Variants in CHST11 observed in about 807,000 individuals in gnomAD.
The protein encoded by CHST11 is carbohydrate sulfotransferase 11, also known as C4S-1.
A neutral mutation model predicts 30.4 loss-of-function variants in CHST11; 9 were observed. The observed-to-expected ratio is 0.30, with a 90% CI of 0.18 to 0.52. CHST11 has a LOEUF of 0.52. Ranked by LOEUF, CHST11 falls within the 20% of genes least tolerant of loss-of-function variation. The pLI is 0.97. For synonymous variants in CHST11, 152 were observed against 187.8 expected (o/e 0.81, Z 1.56); for missense variants, 348 against 460.6 (o/e 0.76, Z 2.24).
At position 104,666,524 on chromosome 12, in the gene CHST11, G is replaced by A. The variant is rs78757278; in HGVS notation, c.204+64533G>A. 2.9e-3 allele frequency among the ~76,000 whole-genome samples: 434 copies of A among 152,214 alleles called. 3 individuals are homozygous for A. The highest frequency in any genetic ancestry group is 9.9e-3 in the African/African-American group (410 of 41,534). On this transcript the variant is annotated intron_variant, in intron 2 of 2. Coordinates refer to ENST00000303694, the MANE Select transcript of CHST11 (RefSeq NM_018413.6). The stretch of plus-strand genomic sequence containing the variant: ...TTGGGACTCTGTGTTTTTGCAACTC[G>A]TTTGCCTCTGTCTGCGTGTTGAATT...
chr12:104,702,965 C>G (rs1441987453), intron 2 of CHST11, among the ~76,000 whole-genome samples: 1 of 152,192 alleles, frequency 6.6e-6, no homozygotes, highest in Non-Finnish European at 1.5e-5. Flanking sequence ...GAGGGGACGG[C>G]AGGCGTGTGG....
At chr12:104,598,813 C>A (rs1037168882) in intron 1 of CHST11, among the ~76,000 whole-genome samples, 1 of 152,146 alleles carries the variant, frequency 6.6e-6, no homozygotes, top group African/African-American at 2.4e-5. Context: ...AAAGTGCTGG[C>A]CCAAGCCTCC....
chr12:104,563,641 G>A (rs887054681), intron 1 of CHST11, among the ~76,000 whole-genome samples: 14 of 152,176 alleles, frequency 9.2e-5, no homozygotes, highest in Admixed American at 3.3e-4. Context: ...TAATAGCCTC[G>A]CAGAACATGA....
intron 2 of CHST11, among the ~76,000 whole-genome samples, chr12:104,672,105 A>G: frequency 6.6e-6 from 1 of 152,158 alleles, no homozygotes; most frequent in South Asian, 2.1e-4. Context: ...GTTTTGATAC[A>G]ATTTGGGTAG....
intron 1 of CHST11, among the ~76,000 whole-genome samples, chr12:104,546,066 T>C (rs1025834801): frequency 1.3e-5 from 2 of 152,182 alleles, no homozygotes; most frequent in Admixed American, 6.5e-5. Context: ...ACATTGGGGA[T>C]TTCGACACAC....
At chr12:104,508,634 A>G (rs1040902408) in intron 1 of CHST11, among the ~76,000 whole-genome samples, 5 of 152,122 alleles carry the variant, frequency 3.3e-5, no homozygotes, top group African/African-American at 1.2e-4. Flanking sequence ...AATCTTGACC[A>G]TTTTCCATAA....
intron 1 of CHST11, among the ~76,000 whole-genome samples, chr12:104,569,714 T>C (rs558405787): frequency 4.6e-5 from 7 of 152,336 alleles, no homozygotes; most frequent in African/African-American, 1.2e-4. Flanking sequence ...TCCATTGATC[T>C]GCCCAGTTTA....
chr12:104,694,915 C>T (rs1379648488), intron 2 of CHST11, among the ~76,000 whole-genome samples: 1 of 152,168 alleles, frequency 6.6e-6, no homozygotes, highest in Non-Finnish European at 1.5e-5. Context: ...AGATTCTGGG[C>T]CCCACAGAAG....
intron 2 of CHST11, among the ~76,000 whole-genome samples, chr12:104,617,396 A>G (rs996726016): frequency 6.6e-6 from 1 of 152,072 alleles, no homozygotes; most frequent in African/African-American, 2.4e-5. Flanking sequence ...TTTTCCTTCA[A>G]AAGACATTTT....
At chr12:104,468,394 G>T (rs1232786252) in intron 1 of CHST11, among the ~76,000 whole-genome samples, 1 of 152,126 alleles carries the variant, frequency 6.6e-6, no homozygotes, top group African/African-American at 2.4e-5. Flanking sequence ...TTTACAAGGG[G>T]GGAAACTGAA....
chr12:104,624,069 G>A (rs2039187793), intron 2 of CHST11, among the ~76,000 whole-genome samples: 1 of 152,138 alleles, frequency 6.6e-6, no homozygotes, highest in Non-Finnish European at 1.5e-5. Context: ...GAAGGTATGT[G>A]GAAAATGAAT....
chr12:104,461,794 A>AT, intron 1 of CHST11, among the ~76,000 whole-genome samples: 1 of 152,280 alleles, frequency 6.6e-6, no homozygotes, highest in South Asian at 2.1e-4. Context: ...CTTTCACTTG[A>AT]TCAGGTTGAA....
rs1027437301 is a variant in CHST11, at chr12:104,587,805, T to A, written c.119-14101T>A. 5.4e-5 allele frequency among the ~76,000 whole-genome samples: 8 copies of A among 148,672 alleles called. No individual in the cohort carries two copies. In the Admixed American group the frequency reaches 5.5e-4, roughly 10 times the overall value. ...TATTTATTTATTTATTGTTTCAGAC[T>A]CTTCAATTCGTTAGAGATTAAGTTT... On this transcript the variant is annotated intron_variant, in intron 1 of 2. Transcript: ENST00000303694.
At chr12:104,528,006 G>A (rs947495408) in intron 1 of CHST11, among the ~76,000 whole-genome samples, 5 of 152,172 alleles carry the variant, frequency 3.3e-5, no homozygotes, top group African/African-American at 1.2e-4. Flanking sequence ...CCTCCCACCA[G>A]GTTCCTCCCT....
At chr12:104,532,424 A>G (rs1053851839) in intron 1 of CHST11, among the ~76,000 whole-genome samples, 3 of 152,074 alleles carry the variant, frequency 2.0e-5, no homozygotes, top group Admixed American at 1.3e-4. Context: ...GTAGGTTCCA[A>G]ACTCAATTTT....
intron 1 of CHST11, among the ~76,000 whole-genome samples, chr12:104,596,975 A>G (rs1242993311): frequency 6.6e-6 from 1 of 152,180 alleles, no homozygotes; most frequent in Admixed American, 6.5e-5. Context: ...TCAGGGTCCC[A>G]CAGTATTTCA....
chr12:104,469,928 T>C (rs1375220905), intron 1 of CHST11, among the ~76,000 whole-genome samples: 1 of 152,238 alleles, frequency 6.6e-6, no homozygotes, highest in Non-Finnish European at 1.5e-5. Flanking sequence ...AAAGTTTCTA[T>C]CTTTTTAAGC....
At chr12:104,694,750 A>G (rs2039928923) in intron 2 of CHST11, among the ~76,000 whole-genome samples, 1 of 152,194 alleles carries the variant, frequency 6.6e-6, no homozygotes, top group Non-Finnish European at 1.5e-5. Context: ...CCAAGCTGTC[A>G]CTAGAGCTGT....
intron 1 of CHST11, among the ~76,000 whole-genome samples, chr12:104,480,365 C>T (rs969018692): frequency 6.6e-6 from 1 of 152,072 alleles, no homozygotes; most frequent in Non-Finnish European, 1.5e-5. Flanking sequence ...ATCACGAGGT[C>T]AGGAGTTTGA....
Sources: gnomAD v4.1 joint callset for allele counts (sites outside exome capture counted in the v4.1 genomes callset) on GRCh38, gnomAD v4.1.1 for gene constraint, MANE v1.5 for transcripts, NCBI Gene and HGNC (gene_info 2026-07-23, HGNC 2026-07-21) for gene names.